Variants in INTS8 observed in about 807,000 individuals in gnomAD.
INTS8 encodes the protein protein kaonashi-1.
Under a neutral mutation model 138.9 loss-of-function variants are expected in INTS8, and 47 were observed. That is an observed-to-expected ratio of 0.34 (90% CI 0.27 to 0.43). INTS8 has a LOEUF of 0.43. INTS8 is among the 20% of genes least tolerant of loss of function. The probability of loss-of-function intolerance (pLI) is 1.00; values close to 1 mark genes in which losing one functional copy is unlikely to be tolerated. For synonymous variants in INTS8, 392 were observed against 400.9 expected, an observed-to-expected ratio of 0.98 and a Z score of 0.27; for missense variants, 996 against 1,173.0, an observed-to-expected ratio of 0.85 and a Z score of 2.20.
At chr8:94,835,398 C>T (rs1309651813) in intron 6 of INTS8, among the ~76,000 whole-genome samples, 1 of 152,014 alleles carries the variant, frequency 6.6e-6, no homozygotes, top group Non-Finnish European at 1.5e-5. Flanking sequence ...TTCTTTTTTG[C>T]CTAGTGTCCA....
rs1816784217 is a variant in INTS8, at chr8:94,880,884, G to A, written c.*650G>A. On this transcript the variant is annotated 3_prime_UTR_variant, in exon 27 of 27. Transcript: ENST00000523731. ...TGATATACAAAAAGGTTATTACCAA[G>A]CAACCTACATGTCAAGAAAGCCCCA... 1 of 398,706 alleles carries A rather than the reference G, an allele frequency of 2.5e-6. No individual in the cohort carries two copies. The highest frequency in any genetic ancestry group is 3.6e-5 in the East Asian group (1 of 28,002). 24.7% of individuals were successfully genotyped at this position (398,706 alleles called of 1,614,324 possible). A position where few individuals can be genotyped will look rare whatever the true frequency, so the allele number is the denominator to read the frequency against.
chr8:94,859,442 A>G, intron 15 of INTS8, 69 bp from the exon 16 acceptor site: 2 of 1,464,104 alleles, frequency 1.4e-6, no homozygotes, highest in Non-Finnish European at 1.9e-6. Context: ...AAATCTGAGC[A>G]AGTATTTGCT....
At chr8:94,842,207 ATATT>A (rs1815162292) in intron 9 of INTS8, 136 bp from the exon 10 acceptor site, 1 of 470,244 alleles carries the variant, frequency 2.1e-6, no homozygotes, top group Admixed American at 4.1e-5. Flanking sequence ...GATTTGGTAT[ATATT>A]TATTGGTATG....
At position 94,836,577 on chromosome 8, in the gene INTS8, T is replaced by G; in HGVS notation, c.807T>G (p.Ala269=). 1 of 1,614,118 alleles carries G rather than the reference T, an allele frequency of 6.2e-7. No individual in the cohort carries two copies. The highest frequency in any genetic ancestry group is 8.5e-7 in the Non-Finnish European group (1 of 1,179,988). The change falls in exon 7 of 27, where the codon GCT becomes GCG. Residue 269 remains alanine (A), a synonymous_variant. Coordinates refer to ENST00000523731, the MANE Select transcript of INTS8 (RefSeq NM_017864.4). The part of the protein sequence containing the change: ...AYFQQGSTNS[A]VYENAREKFF... ...TCCAGCAAGGCTCCACAAATTCAGC[T>G]GTCTATGAAAATGCCAGGGAAAAAT...
chr8:94,859,937 A>G, intron 16 of INTS8: 1 of 221,942 alleles, frequency 4.5e-6, no homozygotes, highest in South Asian at 7.8e-5. Context: ...CTCTAATCAC[A>G]CTCTAGAACT....
chr8:94,851,941 A>G (rs1031184295), intron 13 of INTS8, among the ~76,000 whole-genome samples: 3 of 152,138 alleles, frequency 2.0e-5, no homozygotes, highest in African/African-American at 7.2e-5. Flanking sequence ...TACGCATTTT[A>G]TTTCATTCAT....
At chr8:94,836,135 G>A (rs1814919673) in intron 6 of INTS8, among the ~76,000 whole-genome samples, 1 of 152,176 alleles carries the variant, frequency 6.6e-6, no homozygotes. Flanking sequence ...TTGCAGGAGT[G>A]TAGCTGCTGC....
Position 94,874,565 on chromosome 8 carries a change from T to C in INTS8, c.2651T>C (p.Met884Thr). The change falls in exon 23 of 27, where the codon ATG becomes ACG. Residue 884 changes from methionine to threonine, a missense_variant. By Grantham distance (81) the Met-to-Thr change is moderately conservative (BLOSUM62 -1). Transcript: ENST00000523731. ...TTGCTTTTGTAGGTAATAAAACGAATGATAAAATGTTGTTCTTTGCTGAAT... is the reference window on the plus strand; with the variant it reads ...TTGCTTTTGTAGGTAATAAAACGAACGATAAAATGTTGTTCTTTGCTGAAT... Reference protein sequence around the residue: ...DVYTDQVIKRMIKCCSLLNCH... With the variant: ...DVYTDQVIKRTIKCCSLLNCH... 6.3e-7 allele frequency: 1 copy of C among 1,582,832 alleles called. No homozygotes were observed. Among genetic ancestry groups the C allele is most frequent in the Non-Finnish European group, 8.7e-7 (1 of 1,152,352 alleles).
chr8:94,829,241 A>G (rs1244140514), intron 5 of INTS8, among the ~76,000 whole-genome samples: 6 of 151,970 alleles, frequency 3.9e-5, no homozygotes, highest in Middle Eastern at 3.2e-3. Context: ...GTTGTAATAT[A>G]TATGGAAATA....
intron 16 of INTS8, among the ~76,000 whole-genome samples, chr8:94,861,418 T>C (rs1470058902): frequency 5.6e-5 from 8 of 142,416 alleles, no homozygotes; most frequent in African/African-American, 1.8e-4. Context: ...CCCACTGCCA[T>C]GCCCGGCTAA....
At chr8:94,837,336 A>G (rs980726304) in intron 7 of INTS8, among the ~76,000 whole-genome samples, 5 of 152,052 alleles carry the variant, frequency 3.3e-5, no homozygotes, top group Admixed American at 2.0e-4. Context: ...AACCTAGTAT[A>G]TCTATAACTA....
At position 94,880,270 on chromosome 8, in the gene INTS8, A is replaced by T. The variant is rs777475627; in HGVS notation, c.*36A>T. 1.8e-6 allele frequency: 2 copies of T among 1,100,920 alleles called. No individual in the cohort carries two copies. Among genetic ancestry groups the T allele is most frequent in the South Asian group, 1.3e-5 (1 of 75,194 alleles). 68.2% of individuals were successfully genotyped at this position (1,100,920 alleles called of 1,614,324 possible). On this transcript the variant is annotated 3_prime_UTR_variant, in exon 27 of 27. Coordinates refer to ENST00000523731, the MANE Select transcript of INTS8 (RefSeq NM_017864.4). Reference sequence around the variant, plus strand: ...TTTTTTAACTTTTATTTTTTAAACAATGGGCTAAAAATAAACAGTATTAAA... The same window carrying T: ...TTTTTTAACTTTTATTTTTTAAACATTGGGCTAAAAATAAACAGTATTAAA...
chr8:94,824,255 T>C (rs1348924921), intron 1 of INTS8, among the ~76,000 whole-genome samples: 1 of 152,224 alleles, frequency 6.6e-6, no homozygotes, highest in Non-Finnish European at 1.5e-5. Flanking sequence ...AATCTAGATA[T>C]GGCTTGTTCA....
At chr8:94,870,289 G>A (rs193200928) in intron 20 of INTS8, among the ~76,000 whole-genome samples, 1 of 152,182 alleles carries the variant, frequency 6.6e-6, no homozygotes, top group African/African-American at 2.4e-5. Flanking sequence ...CTGACCTCGT[G>A]ATCCACCTGC....
intron 15 of INTS8, 53 bp downstream of exon 15, chr8:94,857,031 TG>T (rs1367533234): frequency 9.3e-6 from 12 of 1,289,698 alleles, no homozygotes; most frequent in Non-Finnish European, 4.4e-6. Context: ...CACATAATTG[TG>T]GGGGAAAATT....
intron 6 of INTS8, among the ~76,000 whole-genome samples, chr8:94,834,969 A>G (rs539227719): frequency 6.6e-6 from 1 of 152,196 alleles, no homozygotes; most frequent in Non-Finnish European, 1.5e-5. Context: ...TATTTCTAGT[A>G]TCTCATGTGA....
intron 7 of INTS8, among the ~76,000 whole-genome samples, chr8:94,837,392 C>T (rs1814963494): frequency 6.6e-6 from 1 of 152,068 alleles, no homozygotes; most frequent in Non-Finnish European, 1.5e-5. Context: ...CTTCAATCTG[C>T]TGTCCTTAGT....
intron 10 of INTS8, among the ~76,000 whole-genome samples, chr8:94,845,778 G>A (rs1815312119): frequency 6.6e-6 from 1 of 152,126 alleles, no homozygotes; most frequent in African/African-American, 2.4e-5. Context: ...GCATTTTTAT[G>A]TGTCAACATT....
At chr8:94,828,869 ACT>A in intron 4 of INTS8, 104 bp from the exon 5 acceptor site, 1 of 713,802 alleles carries the variant, frequency 1.4e-6, no homozygotes, top group East Asian at 2.7e-5. Context: ...CATTAAAAAC[ACT>A]CTTAAATTGA....
Sources: allele counts gnomAD v4.1 joint callset (sites outside exome capture counted in the v4.1 genomes callset), GRCh38; gene constraint gnomAD v4.1.1; transcripts MANE v1.5; gene names NCBI Gene and HGNC (gene_info 2026-07-23, HGNC 2026-07-21).